The following PATJ variants were observed in gnomAD, a reference collection of about 807,000 sequenced individuals.
The protein encoded by PATJ is inaD-like protein.
Under a neutral mutation model 224.9 loss-of-function variants are expected in PATJ, and 190 were observed. The ratio of observed to expected loss-of-function variants is 0.84; its 90% CI spans 0.75 to 0.95. PATJ has a LOEUF of 0.95. Ranked by LOEUF, PATJ falls within the 40% of genes least tolerant of loss-of-function variation. The probability of loss-of-function intolerance (pLI) is 0.00; values close to 1 mark genes in which losing one functional copy is unlikely to be tolerated. For synonymous variants in PATJ, 769 were observed against 820.3 expected (o/e 0.94, Z 1.07); for missense variants, 2,121 against 2,270.3 (o/e 0.93, Z 1.34).
At chr1:61,914,939 A>G (rs1673240227) in intron 26 of PATJ, among the ~76,000 whole-genome samples, 1 of 152,278 alleles carries the variant, frequency 6.6e-6, no homozygotes, top group South Asian at 2.1e-4. Context: ...TTGTTTGTCC[A>G]TTCCCAGAAC....
chr1:61,824,348 A>C (rs1657835242), intron 15 of PATJ, among the ~76,000 whole-genome samples: 2 of 150,042 alleles, frequency 1.3e-5, no homozygotes, highest in East Asian at 4.0e-4. Flanking sequence ...TACATGTGTG[A>C]GCCACTGCAC....
chr1:61,869,161 C>A lies in PATJ; in HGVS notation c.2835+4528C>A, dbSNP rs1266641633. 2.2e-5 allele frequency among the ~76,000 whole-genome samples: 3 copies of A among 137,134 alleles called. No homozygotes were observed. In the East Asian group the frequency reaches 6.4e-4, roughly 29 times the overall value. 90.0% of individuals were successfully genotyped at this position (137,134 alleles called of 152,430 possible). ...TCGCTCTGTCGCCCAGGCTGGAGTG[C>A]AGTGGCGCCATCTCGGCTCACTGCA... On this transcript the variant is annotated intron_variant, in intron 20 of 43. Transcript: ENST00000642238.
intron 17 of PATJ, among the ~76,000 whole-genome samples, chr1:61,851,010 C>T (rs1431509279): frequency 6.6e-6 from 1 of 152,196 alleles, no homozygotes; most frequent in African/African-American, 2.4e-5. Flanking sequence ...ATTTTAACTA[C>T]TCTTCAGTGC....
intron 33 of PATJ, among the ~76,000 whole-genome samples, chr1:62,102,604 A>G (rs1194497880): frequency 2.0e-5 from 3 of 151,928 alleles, no homozygotes; most frequent in Non-Finnish European, 4.4e-5. Context: ...TGTAATCTCA[A>G]CACTTTGGGA....
chr1:62,009,798 C>G (rs535384753), intron 28 of PATJ, among the ~76,000 whole-genome samples: 1 of 152,188 alleles, frequency 6.6e-6, no homozygotes, highest in African/African-American at 2.4e-5. Context: ...CAAGAAACCA[C>G]TTTTGGCCAG....
At chr1:61,902,826 G>A (rs1671372140) in intron 24 of PATJ, among the ~76,000 whole-genome samples, 1 of 152,064 alleles carries the variant, frequency 6.6e-6, no homozygotes, top group Admixed American at 6.6e-5. Flanking sequence ...GGTTGGGGAT[G>A]GTGAAAGCAA....
chr1:62,135,175 C>T (rs996593299), intron 41 of PATJ, among the ~76,000 whole-genome samples: 2 of 152,034 alleles, frequency 1.3e-5, no homozygotes, highest in Non-Finnish European at 2.9e-5. Context: ...TTCTAATATG[C>T]AGCCAGGGGT....
chr1:61,883,612 T>G (rs1373850287), intron 21 of PATJ, among the ~76,000 whole-genome samples: 1 of 151,804 alleles, frequency 6.6e-6, no homozygotes, highest in Non-Finnish European at 1.5e-5. Flanking sequence ...TATTGTATTT[T>G]TGCATGCAAC....
intron 27 of PATJ, among the ~76,000 whole-genome samples, chr1:61,935,757 C>T (rs934909522): frequency 1.3e-5 from 2 of 151,838 alleles, no homozygotes; most frequent in Admixed American, 6.6e-5. Context: ...TGCCACTATA[C>T]TCCAGCCTGG....
At chr1:62,056,520 C>T (rs973819784) in intron 31 of PATJ, among the ~76,000 whole-genome samples, 2 of 151,800 alleles carry the variant, frequency 1.3e-5, no homozygotes, top group Admixed American at 1.3e-4. Flanking sequence ...AGAGTAAGAC[C>T]TTATCTCAAA....
At chr1:61,892,493 A>G (rs757246665) in intron 22 of PATJ, among the ~76,000 whole-genome samples, 8 of 152,028 alleles carry the variant, frequency 5.3e-5, no homozygotes, top group Non-Finnish European at 1.0e-4. Context: ...GGGGTACTCT[A>G]TCTCCACCCA....
chr1:62,156,696 G>C (rs1669257618), intron 43 of PATJ, among the ~76,000 whole-genome samples: 1 of 148,124 alleles, frequency 6.8e-6, no homozygotes, highest in Non-Finnish European at 1.5e-5. Flanking sequence ...TAGGAGGATG[G>C]CTTGAGCCCA....
chr1:61,877,194 T>G (rs1667452268), intron 21 of PATJ, among the ~76,000 whole-genome samples: 1 of 152,066 alleles, frequency 6.6e-6, no homozygotes, highest in African/African-American at 2.4e-5. Context: ...GCTCAAGAAA[T>G]ATTTACTGAA....
intron 39 of PATJ, among the ~76,000 whole-genome samples, chr1:62,125,264 CAAAA>C (rs1284483252): frequency 9.3e-5 from 6 of 64,224 alleles, no homozygotes; most frequent in African/African-American, 3.6e-4. Flanking sequence ...CAAAAAAAAA[CAAAA>C]AAAAAACGCC....
chr1:61,816,646 G>A (rs937284882), intron 14 of PATJ: 3 of 152,034 alleles, frequency 2.0e-5, no homozygotes, highest in African/African-American at 7.2e-5. Context: ...TGGGCAAGAC[G>A]TACAATTTAA....
chr1:61,748,846 G>T (rs1645170230), intron 1 of PATJ, among the ~76,000 whole-genome samples: 1 of 152,050 alleles, frequency 6.6e-6, no homozygotes. Flanking sequence ...TAGAGATGGG[G>T]TTTTGCCATG....
At chr1:61,982,526 G>C (rs1644505097) in intron 27 of PATJ, among the ~76,000 whole-genome samples, 1 of 152,016 alleles carries the variant, frequency 6.6e-6, no homozygotes, top group Admixed American at 6.6e-5. Context: ...GGGAAGAATC[G>C]ATGACACAGT....
intron 7 of PATJ, among the ~76,000 whole-genome samples, chr1:61,779,576 G>C (rs1414986830): frequency 3.9e-5 from 6 of 152,150 alleles, no homozygotes; most frequent in Admixed American, 2.6e-4. Context: ...CCACAGCCCA[G>C]ATGACACATG....
intron 41 of PATJ, among the ~76,000 whole-genome samples, chr1:62,130,728 A>G (rs375789384): frequency 2.6e-4 from 40 of 151,734 alleles, no homozygotes; most frequent in African/African-American, 8.7e-4. Context: ...GCGGGCGCCT[A>G]TAGTCCCAGC....
Sources: gnomAD v4.1 joint callset for allele counts (sites outside exome capture counted in the v4.1 genomes callset) on GRCh38, gnomAD v4.1.1 for gene constraint, MANE v1.5 for transcripts, NCBI Gene and HGNC (gene_info 2026-07-23, HGNC 2026-07-21) for gene names.